LRP6: variants seen among roughly 807,000 people sequenced by gnomAD.
LRP6 encodes low-density lipoprotein receptor-related protein 6.
Under a neutral mutation model 184.1 loss-of-function variants are expected in LRP6, and 43 were observed. That is an observed-to-expected ratio of 0.23 (90% confidence interval 0.18 to 0.30). The LOEUF (loss-of-function observed/expected upper bound fraction) is 0.30. LRP6 is among the 10% of genes least tolerant of loss of function. LRP6 has a pLI of 1.00. For missense variants in LRP6, 1,571 were observed against 2,005.3 expected (o/e 0.78, Z 4.14); for synonymous variants, 719 against 684.9 (o/e 1.05, Z -0.78).
intron 2 of LRP6, 76 bp from the exon 3 acceptor site, chr12:12,203,476 G>A: frequency 7.9e-7 from 1 of 1,266,520 alleles, no homozygotes; most frequent in Non-Finnish European, 1.1e-6. Flanking sequence ...TACTATTAAA[G>A]AAAGCTCAGG....
chr12:12,199,133 A>T lies in LRP6; in HGVS notation c.647+4070T>A, dbSNP rs186104077. On this transcript the variant is annotated intron_variant, in intron 3 of 22. Transcript: ENST00000261349. ...GAATGGGCTATTTAAGCACCATTTA[A>T]AAAAAAAAAAGGAGCACAAATGGAT... Among the ~76,000 whole-genome samples the T allele has an allele frequency of 4.5e-4, 66 of 148,008 alleles. No individual in the cohort carries two copies. In the East Asian group the frequency reaches 7.6e-3, roughly 17 times the overall value.
At chr12:12,228,061 C>T (rs1429770000) in intron 2 of LRP6, among the ~76,000 whole-genome samples, 1 of 152,048 alleles carries the variant, frequency 6.6e-6, no homozygotes, top group African/African-American at 2.4e-5. Flanking sequence ...AATTATGTAT[C>T]CAAGGTAAGG....
chr12:12,185,660 C>T (rs888595635), intron 4 of LRP6, among the ~76,000 whole-genome samples: 5 of 151,982 alleles, frequency 3.3e-5, no homozygotes, highest in African/African-American at 1.2e-4. Context: ...AGTCATAGCC[C>T]GAGTCATTGT....
chr12:12,241,678 A>T (rs2135912703), intron 2 of LRP6, among the ~76,000 whole-genome samples: 1 of 152,250 alleles, frequency 6.6e-6, no homozygotes, highest in East Asian at 1.9e-4. Flanking sequence ...TGCCTCCCAC[A>T]TTAACCACAC....
intron 17 of LRP6, among the ~76,000 whole-genome samples, chr12:12,132,259 T>C (rs191266214): frequency 5.9e-5 from 9 of 152,354 alleles, no homozygotes; most frequent in Admixed American, 1.3e-4. Context: ...TATAAACTTT[T>C]GCCCGCAAAA....
At chr12:12,211,184 C>G (rs1484219094) in intron 2 of LRP6, 2 of 152,238 alleles carry the variant, frequency 1.3e-5, no homozygotes. Flanking sequence ...CACCTGTAAT[C>G]CCGGCACTTT....
chr12:12,266,917 C>T lies in LRP6; in HGVS notation c.-182G>A. 1.6e-6 allele frequency: 1 copy of T among 632,952 alleles called. No homozygotes were observed. The highest frequency in any genetic ancestry group is 1.8e-5 in the South Asian group (1 of 54,940). 39.2% of individuals were successfully genotyped at this position (632,952 alleles called of 1,614,324 possible). ...CGCGCCGCCGCCGCCCTCTCTACCG[C>T]GCCGCTCGGCCCCGGGCTCGCGCGA... On this transcript the variant is annotated 5_prime_UTR_variant, in exon 1 of 23. Transcript: ENST00000261349.
chr12:12,253,743 C>T (rs1290244504), intron 1 of LRP6, among the ~76,000 whole-genome samples: 2 of 151,982 alleles, frequency 1.3e-5, no homozygotes, highest in Admixed American at 6.6e-5. Context: ...TAATCATCAC[C>T]GTTTTAAGTA....
At chr12:12,188,078 G>C (rs1255460222) in intron 3 of LRP6, among the ~76,000 whole-genome samples, 1 of 151,960 alleles carries the variant, frequency 6.6e-6, no homozygotes, top group Admixed American at 6.6e-5. Context: ...CAGGCGTGGT[G>C]GTGGGCGCCT....
At chr12:12,164,955 A>AAAAAG (rs1862837941) in intron 8 of LRP6, 124 bp downstream of exon 8, 17 of 529,272 alleles carry the variant, frequency 3.2e-5, no homozygotes, top group Admixed American at 9.8e-5. Flanking sequence ...AAAAAAAAAA[A>AAAAAG]GGCGGGGGGG....
intron 7 of LRP6, among the ~76,000 whole-genome samples, chr12:12,176,026 TA>T (rs11290647): frequency 0.85 from 124,870 of 147,732 alleles, 52,754 homozygotes; most frequent in East Asian, 0.95. Flanking sequence ...AACCTGATCC[TA>T]AAAAAAAAAA....
At chr12:12,171,937 A>C (rs1231802357) in intron 7 of LRP6, among the ~76,000 whole-genome samples, 2 of 152,204 alleles carry the variant, frequency 1.3e-5, no homozygotes, top group Non-Finnish European at 2.9e-5. Flanking sequence ...TAGGTCTATA[A>C]ATACAGTTTA....
chr12:12,222,069 A>T (rs1438481056), intron 2 of LRP6, among the ~76,000 whole-genome samples: 1 of 152,192 alleles, frequency 6.6e-6, no homozygotes, highest in African/African-American at 2.4e-5. Flanking sequence ...GGGTTTCCAC[A>T]TTTCCTTCAA....
At chr12:12,208,010 A>C (rs1448656926) in intron 2 of LRP6, among the ~76,000 whole-genome samples, 2 of 152,226 alleles carry the variant, frequency 1.3e-5, no homozygotes, top group Non-Finnish European at 2.9e-5. Context: ...ACAAAAACAC[A>C]CAACAATGGC....
intron 2 of LRP6, among the ~76,000 whole-genome samples, chr12:12,213,470 T>A (rs537880862): frequency 6.6e-6 from 1 of 152,100 alleles, no homozygotes; most frequent in African/African-American, 2.4e-5. Context: ...TATTAATATA[T>A]CTGTTACAAA....
At chr12:12,192,615 CA>C (rs1310730082) in intron 3 of LRP6, among the ~76,000 whole-genome samples, 6 of 151,794 alleles carry the variant, frequency 4.0e-5, no homozygotes, top group Non-Finnish European at 8.8e-5. Context: ...CTCTATCAGA[CA>C]AAAAAGATTT....
chr12:12,140,086 C>T (rs558196538), intron 15 of LRP6, among the ~76,000 whole-genome samples: 2 of 151,910 alleles, frequency 1.3e-5, no homozygotes, highest in East Asian at 3.9e-4. Flanking sequence ...CTAAGGATCA[C>T]CAAATATTTA....
intron 1 of LRP6, among the ~76,000 whole-genome samples, chr12:12,262,373 C>G (rs964275411): frequency 2.0e-5 from 3 of 151,572 alleles, no homozygotes; most frequent in African/African-American, 7.3e-5. Flanking sequence ...GGTGAGATAC[C>G]GTCTCAAAAA....
At chr12:12,170,187 G>A (rs1862995287) in intron 7 of LRP6, among the ~76,000 whole-genome samples, 1 of 152,020 alleles carries the variant, frequency 6.6e-6, no homozygotes, top group South Asian at 2.1e-4. Context: ...ATACAAAAAT[G>A]AGCCAGGTGT....
Sources: allele counts gnomAD v4.1 joint callset (sites outside exome capture counted in the v4.1 genomes callset), GRCh38; gene constraint gnomAD v4.1.1; transcripts MANE v1.5; gene names NCBI Gene and HGNC (gene_info 2026-07-23, HGNC 2026-07-21).